The following TSPEAR variants were observed in gnomAD, a reference collection of about 807,000 sequenced individuals.
The protein encoded by TSPEAR is thrombospondin type laminin G domain and EAR repeats, also known as thrombospondin-type laminin G domain and EAR repeat-containing protein.
In TSPEAR, 69 loss-of-function variants were observed where a neutral mutation model predicts 71.6. The observed-to-expected ratio is 0.96, with a 90% confidence interval of 0.79 to 1.18. TSPEAR has a LOEUF of 1.18. Among genes scored for constraint, TSPEAR ranks in the 50% most tolerant of loss-of-function variants. The probability of loss-of-function intolerance (pLI) is 0.00; values close to 1 mark genes in which losing one functional copy is unlikely to be tolerated. For missense variants in TSPEAR, 971 were observed against 894.9 expected (o/e 1.09, Z -1.09); for synonymous variants, 402 against 387.2 (o/e 1.04, Z -0.45).
At chr21:44,608,399 T>C (rs782417220) in intron 1 of TSPEAR, among the ~76,000 whole-genome samples, 4 of 152,234 alleles carry the variant, frequency 2.6e-5, no homozygotes, top group Admixed American at 6.5e-5. Flanking sequence ...TTAGCTGGGT[T>C]GGGAGCATTC....
At chr21:44,613,145 C>T (rs145727777) in intron 1 of TSPEAR, among the ~76,000 whole-genome samples, 13 of 152,308 alleles carry the variant, frequency 8.5e-5, no homozygotes, top group African/African-American at 2.2e-4. Flanking sequence ...CACTTGGCCT[C>T]GACTTGAACC....
intron 1 of TSPEAR, chr21:44,654,344 AC>A: frequency 6.2e-7 from 1 of 1,614,090 alleles, no homozygotes; most frequent in Non-Finnish European, 8.5e-7. Flanking sequence ...GGCTGGCAGC[AC>A]CCAGAGGTTG....
chr21:44,615,022 TG>T (rs1437019017), intron 1 of TSPEAR, among the ~76,000 whole-genome samples: 42 of 152,244 alleles, frequency 2.8e-4, no homozygotes, highest in African/African-American at 8.7e-4. Context: ...TCACCGGACG[TG>T]GCAGGCAGGA....
intron 9 of TSPEAR, chr21:44,509,673 G>A (rs1033824931): frequency 2.4e-5 from 9 of 375,218 alleles, no homozygotes; most frequent in East Asian, 1.5e-4. Context: ...CCCAGTGCCC[G>A]CTGTGCTCCA....
chr21:44,567,784 C>G lies in TSPEAR; in HGVS notation c.303+1G>C. Reference sequence around the variant, plus strand: ...CACGAAGTGCAGAAAGTGCCACTGACCTTGGGTGGAAGATTGGGAACTCTC... The same window carrying G: ...CACGAAGTGCAGAAAGTGCCACTGAGCTTGGGTGGAAGATTGGGAACTCTC... On this transcript the variant is annotated splice_donor_variant, in intron 2 of 11. Coordinates refer to ENST00000323084, the MANE Select transcript of TSPEAR (RefSeq NM_144991.3). LOFTEE classifies it high-confidence loss of function. 2 of 1,563,386 alleles carry G rather than the reference C, an allele frequency of 1.3e-6. No individual in the cohort carries two copies. The highest frequency in any genetic ancestry group is 1.7e-6 in the Non-Finnish European group (2 of 1,152,186).
intron 11 of TSPEAR, 111 bp from the exon 12 acceptor site, chr21:44,500,047 G>GC: frequency 8.7e-7 from 1 of 1,150,890 alleles, no homozygotes; most frequent in Non-Finnish European, 1.2e-6. Flanking sequence ...TCACATCTGA[G>GC]CCTCTTCCAT....
At chr21:44,552,254 C>T (rs895033564) in intron 2 of TSPEAR, among the ~76,000 whole-genome samples, 2 of 152,058 alleles carry the variant, frequency 1.3e-5, no homozygotes, top group African/African-American at 4.8e-5. Context: ...GTGAAGGACA[C>T]TTGGGGTGGG....
At chr21:44,600,071 T>C (rs377234) in intron 1 of TSPEAR, among the ~76,000 whole-genome samples, 20,342 of 152,186 alleles carry the variant, frequency 0.13, 2,104 homozygotes, top group African/African-American at 0.28. Context: ...GTTTGCCACT[T>C]GCTCTAAAGC....
Position 44,593,712 on chromosome 21 carries a change from C to T in TSPEAR, c.83-25707G>A, listed in dbSNP as rs967510403. On this transcript the variant is annotated intron_variant, in intron 1 of 11. Transcript: ENST00000323084. The surrounding 1 kb of genome is among the most constrained non-coding windows in gnomAD (Gnocchi z 5.9). ...TAAGATATCAAATTACAAACAGGAC[C>T]TCAGGCCGCGCCAGGCAAGGGACAA... 2.0e-5 allele frequency among the ~76,000 whole-genome samples: 3 copies of T among 152,214 alleles called. No individual in the cohort carries two copies. Among genetic ancestry groups the T allele is most frequent in the Non-Finnish European group, 4.4e-5 (3 of 68,048 alleles).
At chr21:44,508,757 G>T (rs782679023) in intron 10 of TSPEAR, 5 of 1,277,074 alleles carry the variant, frequency 3.9e-6, no homozygotes, top group African/African-American at 3.0e-5. Flanking sequence ...GTTTGTTGTC[G>T]GGGAGGATGC....
intron 9 of TSPEAR, among the ~76,000 whole-genome samples, chr21:44,512,619 G>A (rs1243520198): frequency 2.0e-5 from 3 of 152,182 alleles, no homozygotes; most frequent in South Asian, 2.1e-4. Context: ...GGGAATGCGC[G>A]AGACGGGCAG....
chr21:44,646,426 A>G (rs587706809), intron 1 of TSPEAR: 1 of 1,579,334 alleles, frequency 6.3e-7, no homozygotes, highest in African/African-American at 1.4e-5. Context: ...ACTCACTTAC[A>G]CCTCCCCCAG....
At position 44,638,685 on chromosome 21, in the gene TSPEAR, C is replaced by T. The variant is rs868988852; in HGVS notation, c.83-70680G>A. 4.4e-3 allele frequency among the ~76,000 whole-genome samples: 657 copies of T among 148,990 alleles called. 3 individuals are homozygous for T. Among genetic ancestry groups the T allele is most frequent in the African/African-American group, 0.015 (585 of 38,660 alleles). ...TGAAGGCCAGTCTCCCTCTTAGCCCCGTGGGCCCCCAACCCCAGCACGTGG... is the reference window on the plus strand; with the variant it reads ...TGAAGGCCAGTCTCCCTCTTAGCCCTGTGGGCCCCCAACCCCAGCACGTGG... On this transcript the variant is annotated intron_variant, in intron 1 of 11. Coordinates refer to ENST00000323084, the MANE Select transcript of TSPEAR (RefSeq NM_144991.3).
At chr21:44,651,926 C>A (rs1984815567) in intron 1 of TSPEAR, among the ~76,000 whole-genome samples, 1 of 151,670 alleles carries the variant, frequency 6.6e-6, no homozygotes, top group Admixed American at 6.6e-5. Flanking sequence ...AGACCGAGGC[C>A]TATATAGCCC....
At position 44,623,237 on chromosome 21, in the gene TSPEAR, C is replaced by T. The variant is rs1395116515; in HGVS notation, c.83-55232G>A. ...TGACTTTTGGGGAGGCAAGATTCAA[C>T]CCACTACACTCATCTACTTCCTCCT... On this transcript the variant is annotated intron_variant, in intron 1 of 11. Transcript: ENST00000323084. This position sits in a 1 kb window ranked among gnomAD's most constrained non-coding sequence, Gnocchi z 4.5. Among the ~76,000 whole-genome samples, 1 of 152,196 alleles carries T rather than the reference C, an allele frequency of 6.6e-6. No homozygotes were observed. The highest frequency in any genetic ancestry group is 2.4e-5 in the African/African-American group (1 of 41,424).
intron 2 of TSPEAR, among the ~76,000 whole-genome samples, chr21:44,549,808 C>T (rs1555918262): frequency 1.3e-5 from 2 of 152,258 alleles, no homozygotes; most frequent in Admixed American, 6.5e-5. Context: ...ACCGGCCCTC[C>T]GCCCACCCAG....
rs781883668 is a variant in TSPEAR, at chr21:44,612,591, C to T, written c.83-44586G>A. The T allele has an allele frequency of 8.1e-6, 13 of 1,613,988 alleles. No individual in the cohort carries two copies. The Admixed American group carries it at 1.7e-4, about 21-fold the overall frequency. On this transcript the variant is annotated intron_variant, in intron 1 of 11. Transcript: ENST00000323084. This position sits in a 1 kb window ranked among gnomAD's most constrained non-coding sequence, Gnocchi z 4.1. ...TGCACCTTCTCCCCATGCCAACAGG[C>T]CTGCTGTGTGCCCATCTGCTGCAAG...
chr21:44,553,397 T>C (rs1342712474), intron 2 of TSPEAR, among the ~76,000 whole-genome samples: 7 of 152,118 alleles, frequency 4.6e-5, no homozygotes, highest in African/African-American at 1.2e-4. Context: ...CCAAATTTAA[T>C]ACCAAACAGC....
intron 8 of TSPEAR, among the ~76,000 whole-genome samples, chr21:44,523,463 TCAG>T (rs2052779130): frequency 1.4e-5 from 2 of 144,728 alleles, no homozygotes; most frequent in African/African-American, 5.6e-5. Context: ...AATAAGGTAA[TCAG>T]TCAGTCAGGC....
Sources: allele counts gnomAD v4.1 joint callset (sites outside exome capture counted in the v4.1 genomes callset), GRCh38; gene constraint gnomAD v4.1.1; non-coding constraint Gnocchi (gnomAD v3.1); transcripts MANE v1.5; gene names NCBI Gene and HGNC (gene_info 2026-07-23, HGNC 2026-07-21).